C14orf132: variants seen among roughly 807,000 people sequenced by gnomAD.
C14orf132 encodes the protein chromosome 14 open reading frame 132, also known as uncharacterized protein C14orf132.
Under a neutral mutation model 5.8 loss-of-function variants are expected in C14orf132, and 6 were observed. That is an observed-to-expected ratio of 1.03 (90% CI 0.57 to 2.04). The LOEUF is 2.04. C14orf132 is among the 30% of genes most tolerant of loss of function. C14orf132 has a pLI of 0.00. For missense variants in C14orf132, 125 were observed against 115.8 expected, an observed-to-expected ratio of 1.08 and a Z score of -0.37; for synonymous variants, 51 against 49.8, an observed-to-expected ratio of 1.02 and a Z score of -0.10.
intron 1 of C14orf132, among the ~76,000 whole-genome samples, chr14:96,073,717 T>C (rs1278734800): frequency 6.6e-6 from 1 of 152,230 alleles, no homozygotes; most frequent in East Asian, 1.9e-4. Context: ...TAAATTATTC[T>C]ATTAAAAAGA....
At chr14:96,049,485 T>C (rs565606136) in intron 1 of C14orf132, among the ~76,000 whole-genome samples, 47 of 146,066 alleles carry the variant, frequency 3.2e-4, no homozygotes, top group African/African-American at 6.5e-4. Context: ...TGTATATATA[T>C]GCATATATAT....
At chr14:96,055,524 C>T (rs145875473) in intron 1 of C14orf132, among the ~76,000 whole-genome samples, 4 of 152,276 alleles carry the variant, frequency 2.6e-5, no homozygotes, top group Admixed American at 1.3e-4. Context: ...TGCATTTATA[C>T]GTATCCTTCA....
At chr14:96,052,648 T>C (rs541473506) in intron 1 of C14orf132, among the ~76,000 whole-genome samples, 3 of 152,134 alleles carry the variant, frequency 2.0e-5, no homozygotes, top group African/African-American at 7.2e-5. Context: ...CCTCTTTGAG[T>C]CTGGATTATG....
intron 1 of C14orf132, among the ~76,000 whole-genome samples, chr14:96,046,691 C>T (rs1886839464): frequency 6.6e-6 from 1 of 152,178 alleles, no homozygotes; most frequent in Non-Finnish European, 1.5e-5. Flanking sequence ...TAACACTGGG[C>T]CTGTCCTTCT....
At chr14:96,064,692 G>A (rs1221721592) in intron 1 of C14orf132, among the ~76,000 whole-genome samples, 4 of 151,700 alleles carry the variant, frequency 2.6e-5, no homozygotes, top group East Asian at 1.9e-4. Flanking sequence ...GGAAGAGGGG[G>A]CATAAAAGAC....
chr14:96,068,330 C>CTTTGGGG (rs1322577324), intron 1 of C14orf132, among the ~76,000 whole-genome samples: 1 of 152,168 alleles, frequency 6.6e-6, no homozygotes, highest in Non-Finnish European at 1.5e-5. Flanking sequence ...ATGAGAAAGC[C>CTTTGGGG]TTTGGGGTTT....
intron 1 of C14orf132, among the ~76,000 whole-genome samples, chr14:96,076,882 C>A (rs1887884483): frequency 6.6e-6 from 1 of 152,208 alleles, no homozygotes; most frequent in Non-Finnish European, 1.5e-5. Flanking sequence ...GCTAGTTTCC[C>A]TTGAGACTTC....
chr14:96,086,711 C>T lies in C14orf132; in HGVS notation c.228C>T (p.Gly76=), dbSNP rs1566838003. The T allele has an allele frequency of 5.2e-6, 8 of 1,536,136 alleles. No individual in the cohort carries two copies. The highest frequency in any genetic ancestry group is 6.1e-6 in the Non-Finnish European group (7 of 1,146,902). ...IATLGNIVVV[G]VVYAFTF ...CGCTGGGGAACATCGTGGTGGTGGG[C>T]GTGGTGTATGCCTTCACCTTCTGAG... Residue 76 remains glycine (G), a synonymous_variant, in exon 2 of 2, where the codon GGC becomes GGT. Transcript: ENST00000555004.
chr14:96,076,732 G>A (rs992659220), intron 1 of C14orf132, among the ~76,000 whole-genome samples: 5 of 152,222 alleles, frequency 3.3e-5, no homozygotes, highest in African/African-American at 1.2e-4. Flanking sequence ...GACAAGGTTG[G>A]TTTAGATTAT....
chr14:96,055,831 C>G (rs966516558), intron 1 of C14orf132, among the ~76,000 whole-genome samples: 1 of 152,142 alleles, frequency 6.6e-6, no homozygotes, highest in Non-Finnish European at 1.5e-5. Flanking sequence ...TATCCCTCCC[C>G]GACTTAGTCC....
intron 1 of C14orf132, among the ~76,000 whole-genome samples, chr14:96,079,419 C>T (rs1181762771): frequency 3.3e-5 from 5 of 152,142 alleles, no homozygotes; most frequent in African/African-American, 9.7e-5. Context: ...TTCACCCCGT[C>T]GAAATCCCAT....
intron 1 of C14orf132, among the ~76,000 whole-genome samples, chr14:96,081,848 T>C (rs1325126786): frequency 6.6e-6 from 1 of 152,106 alleles, no homozygotes; most frequent in African/African-American, 2.4e-5. Context: ...AATCCTCCCA[T>C]CTTGGCCTCC....
chr14:96,048,454 G>T (rs544718555), intron 1 of C14orf132, among the ~76,000 whole-genome samples: 1 of 152,134 alleles, frequency 6.6e-6, no homozygotes, highest in African/African-American at 2.4e-5. Flanking sequence ...TAGCTTTTCA[G>T]ATTGGCTGCT....
At chr14:96,069,282 TATATATA>T (rs1251459538) in intron 1 of C14orf132, among the ~76,000 whole-genome samples, 1 of 29,338 alleles carries the variant, frequency 3.4e-5, no homozygotes, top group Non-Finnish European at 6.5e-5. Context: ...TATATATATA[TATATATA>T]TATATATATA....
chr14:96,052,062 C>G (rs1409148768), intron 1 of C14orf132, among the ~76,000 whole-genome samples: 1 of 152,208 alleles, frequency 6.6e-6, no homozygotes, highest in Non-Finnish European at 1.5e-5. Context: ...AAGAGGATAC[C>G]GAGGCTCAGA....
rs1330830788 is a variant in C14orf132 at position 96,086,759 on chromosome 14, TG to T, written c.*28del. 14 of 1,531,944 alleles carry T rather than the reference TG, an allele frequency of 9.1e-6. No homozygotes were observed. The Admixed American group carries it at 1.8e-4, about 19-fold the overall frequency. 94.9% of individuals were successfully genotyped at this position (1,531,944 alleles called of 1,614,324 possible). ...GAGGACGGCACACCCTGCACCACCA[TG>T]GGGTGAGGCTTGGCACGTAGCTCTG... On this transcript the variant is annotated 3_prime_UTR_variant, in exon 2 of 2. Transcript: ENST00000555004.
intron 1 of C14orf132, among the ~76,000 whole-genome samples, chr14:96,070,596 TCA>T (rs77447486): frequency 0.017 from 2,447 of 142,142 alleles, 27 homozygotes; most frequent in South Asian, 0.024. Flanking sequence ...TCTCTCTCTC[TCA>T]CACACACACA....
At position 96,093,167 on chromosome 14, in the gene C14orf132, A is replaced by G. The variant is rs1034433641; in HGVS notation, c.*6432A>G. ...AGGACAGTGATCTGCAACTCCCAGC[A>G]TGTCATGTGGTCTCTTAGAAATCCA... On this transcript the variant is annotated 3_prime_UTR_variant, in exon 2 of 2. Transcript: ENST00000555004. 1 of 152,250 alleles carries G rather than the reference A, an allele frequency of 6.6e-6. No individual in the cohort carries two copies. The highest frequency in any genetic ancestry group is 1.5e-5 in the Non-Finnish European group (1 of 68,052). 9.4% of individuals were successfully genotyped at this position (152,250 alleles called of 1,614,324 possible).
At chr14:96,059,898 C>G (rs1384494689) in intron 1 of C14orf132, among the ~76,000 whole-genome samples, 1 of 152,208 alleles carries the variant, frequency 6.6e-6, no homozygotes, top group East Asian at 1.9e-4. Flanking sequence ...AACTGTTGTT[C>G]CCATGAGCAG....
Sources: gnomAD v4.1 joint callset for allele counts (sites outside exome capture counted in the v4.1 genomes callset) on GRCh38, gnomAD v4.1.1 for gene constraint, MANE v1.5 for transcripts, NCBI Gene and HGNC (gene_info 2026-07-23, HGNC 2026-07-21) for gene names.